The following CTNNA3 variants were observed in gnomAD, a reference collection of about 807,000 sequenced individuals.
The protein encoded by CTNNA3 is catenin alpha 3.
Under a neutral mutation model 95.7 loss-of-function variants are expected in CTNNA3, and 76 were observed. The ratio of observed to expected loss-of-function variants is 0.79; its 90% CI spans 0.66 to 0.96. The LOEUF (loss-of-function observed/expected upper bound fraction) is 0.96, where lower values mean the gene tolerates loss of function less well. Among genes scored for constraint, CTNNA3 ranks in the 40% least tolerant of loss-of-function variants. The pLI is 0.00. For synonymous variants in CTNNA3, 431 were observed against 374.4 expected (o/e 1.15, Z -1.74); for missense variants, 1,191 against 1,089.8 (o/e 1.09, Z -1.31).
chr10:67,045,364 C>A (rs1210910168), intron 7 of CTNNA3, among the ~76,000 whole-genome samples: 3 of 152,046 alleles, frequency 2.0e-5, no homozygotes, highest in Non-Finnish European at 2.9e-5. Context: ...TGGAGGTCAC[C>A]AAATACCTCC....
intron 8 of CTNNA3, among the ~76,000 whole-genome samples, chr10:66,769,232 CT>C (rs1455467457): frequency 6.6e-6 from 1 of 152,220 alleles, no homozygotes; most frequent in Non-Finnish European, 1.5e-5. Flanking sequence ...CTTTTGTCAT[CT>C]TTTCGTCCCA....
chr10:66,180,128 G>A (rs984521621), intron 13 of CTNNA3, among the ~76,000 whole-genome samples: 1 of 152,056 alleles, frequency 6.6e-6, no homozygotes, highest in South Asian at 2.1e-4. Context: ...ATTTCATATC[G>A]CTTTGCTTGG....
chr10:67,177,198 T>A (rs2132127910), intron 7 of CTNNA3, among the ~76,000 whole-genome samples: 1 of 152,310 alleles, frequency 6.6e-6, no homozygotes, highest in East Asian at 1.9e-4. Context: ...TCTTGCTAAT[T>A]TCTTCTTAAT....
At chr10:67,350,299 A>G (rs2132641551) in intron 5 of CTNNA3, among the ~76,000 whole-genome samples, 1 of 152,212 alleles carries the variant, frequency 6.6e-6, no homozygotes, top group East Asian at 1.9e-4. Flanking sequence ...GTTGGTATGA[A>G]GAAAGCACCA....
chr10:66,429,712 C>T (rs1454737776), intron 11 of CTNNA3, among the ~76,000 whole-genome samples: 2 of 152,144 alleles, frequency 1.3e-5, no homozygotes. Context: ...GCACTTCATG[C>T]TAAAAACTCT....
chr10:67,425,367 T>C (rs898698763), intron 5 of CTNNA3, among the ~76,000 whole-genome samples: 1 of 151,982 alleles, frequency 6.6e-6, no homozygotes, highest in Admixed American at 6.6e-5. Context: ...TGGAGCACAA[T>C]GCAGCAGAGA....
intron 1 of CTNNA3, among the ~76,000 whole-genome samples, chr10:67,708,863 T>C (rs1435470623): frequency 2.6e-5 from 4 of 152,122 alleles, no homozygotes; most frequent in Non-Finnish European, 2.9e-5. Flanking sequence ...ACTTATACTC[T>C]CTTTATAAAA....
intron 10 of CTNNA3, among the ~76,000 whole-genome samples, chr10:66,587,954 C>T (rs1843417275): frequency 6.6e-6 from 1 of 152,164 alleles, no homozygotes; most frequent in Non-Finnish European, 1.5e-5. Flanking sequence ...AGGGTTTATC[C>T]TCACTCAAGG....
chr10:66,425,014 T>C (rs965072558), intron 11 of CTNNA3, among the ~76,000 whole-genome samples: 2 of 152,088 alleles, frequency 1.3e-5, no homozygotes, highest in African/African-American at 4.8e-5. Flanking sequence ...TTTCTCCCTA[T>C]GATTTGGTTG....
chr10:66,694,780 T>C lies in CTNNA3; in HGVS notation c.1281+71484A>G, dbSNP rs149608764. ...AGGGATCACAAACAGAAAAGCACAA[T>C]GGCAGCTGAGAACAATAGTGGAAGA... On this transcript the variant is annotated intron_variant, in intron 9 of 17. Transcript: ENST00000433211. Among the ~76,000 whole-genome samples the C allele has an allele frequency of 1.3e-3, 199 of 152,258 alleles. 1 individual carries two copies. Among genetic ancestry groups the C allele is most frequent in the Middle Eastern group, 0.01 (3 of 294 alleles).
At chr10:67,392,916 G>A (rs1844561419) in intron 5 of CTNNA3, among the ~76,000 whole-genome samples, 1 of 152,068 alleles carries the variant, frequency 6.6e-6, no homozygotes, top group Non-Finnish European at 1.5e-5. Context: ...TGGGGTGGGG[G>A]GAAGCAGGAG....
chr10:65,930,437 G>T (rs538287695), intron 17 of CTNNA3, among the ~76,000 whole-genome samples: 59 of 152,088 alleles, frequency 3.9e-4, no homozygotes, highest in Non-Finnish European at 7.9e-4. Flanking sequence ...TCAGCAGTCT[G>T]TCAATTTTCT....
At chr10:67,624,111 T>A (rs1414750693) in intron 2 of CTNNA3, among the ~76,000 whole-genome samples, 1 of 152,126 alleles carries the variant, frequency 6.6e-6, no homozygotes, top group African/African-American at 2.4e-5. Flanking sequence ...CATGAGCCAC[T>A]GCGCCCAGCC....
intron 13 of CTNNA3, among the ~76,000 whole-genome samples, chr10:66,275,360 C>T (rs550755582): frequency 8.5e-5 from 13 of 152,282 alleles, no homozygotes; most frequent in South Asian, 2.1e-4. Flanking sequence ...TCAGGCAATC[C>T]GCCCACCTTG....
chr10:66,540,035 T>G (rs1035616091), intron 10 of CTNNA3, among the ~76,000 whole-genome samples: 3 of 152,116 alleles, frequency 2.0e-5, no homozygotes, highest in African/African-American at 7.2e-5. Flanking sequence ...AAAGCTGACC[T>G]TCTTTTGTTT....
chr10:65,987,195 G>T (rs1053519340), intron 16 of CTNNA3, among the ~76,000 whole-genome samples: 4 of 151,668 alleles, frequency 2.6e-5, no homozygotes, highest in African/African-American at 9.7e-5. Flanking sequence ...TAAACACATG[G>T]GATTATATCA....
chr10:67,180,620 T>A, intron 6 of CTNNA3, 100 bp from the exon 7 acceptor site: 1 of 937,938 alleles, frequency 1.1e-6, no homozygotes, highest in Non-Finnish European at 1.7e-6. Context: ...TCAGATGTGA[T>A]AATAAAGAGA....
At chr10:67,564,677 G>GTGTATATATA (rs1488656262) in intron 3 of CTNNA3, among the ~76,000 whole-genome samples, 14 of 61,306 alleles carry the variant, frequency 2.3e-4, no homozygotes, top group African/African-American at 6.4e-4. Context: ...GTGTGTGTGT[G>GTGTATATATA]TATATATATA....
In CTNNA3 at chr10:66,952,806, C is replaced by T. The variant is rs10997452; in HGVS notation, c.1048-177282G>A. 0.02 allele frequency among the ~76,000 whole-genome samples: 3,023 copies of T among 151,810 alleles called. 211 individuals are homozygous for T. The East Asian group carries it at 0.25, about 13-fold the overall frequency. ...AGTTGTTAAATATTTTGAAAATTAGCCCTGCTTGTAATTTATTATATAATT... is the reference window on the plus strand; with the variant it reads ...AGTTGTTAAATATTTTGAAAATTAGTCCTGCTTGTAATTTATTATATAATT... On this transcript the variant is annotated intron_variant, in intron 7 of 17. Coordinates refer to ENST00000433211, the MANE Select transcript of CTNNA3 (RefSeq NM_013266.4).
Sources: allele counts gnomAD v4.1 joint callset (sites outside exome capture counted in the v4.1 genomes callset), GRCh38; gene constraint gnomAD v4.1.1; transcripts MANE v1.5; gene names NCBI Gene and HGNC (gene_info 2026-07-23, HGNC 2026-07-21).